KLF17: variants seen among roughly 807,000 people sequenced by gnomAD.
KLF17 encodes the protein Krueppel-like factor 17.
KLF17 carries 31 observed loss-of-function variants against 34.2 expected under a neutral mutation model. That is an observed-to-expected ratio of 0.91 (90% CI 0.68 to 1.22). The LOEUF (loss-of-function observed/expected upper bound fraction) is 1.22, where lower values mean the gene tolerates loss of function less well. Among genes scored for constraint, KLF17 ranks in the 50% most tolerant of loss-of-function variants. The pLI is 0.00. For missense variants in KLF17, 478 were observed against 505.2 expected (o/e 0.95, Z 0.52); for synonymous variants, 179 against 186.7 (o/e 0.96, Z 0.34).
intron 3 of KLF17, among the ~76,000 whole-genome samples, chr1:44,131,762 T>A (rs1323859876): frequency 6.6e-6 from 1 of 152,174 alleles, no homozygotes; most frequent in East Asian, 1.9e-4. Flanking sequence ...TGGTGTGATC[T>A]CAGCTCACTG....
At chr1:44,104,656 G>A in the KLF17 span, 4 of 480,746 alleles carry the variant, frequency 8.3e-6, no homozygotes, top group South Asian at 6.3e-5. Context: ...CCAGTAGGGA[G>A]AAGCTCTAAG....
At chr1:44,063,739 A>G in the KLF17 span, among the ~76,000 whole-genome samples, 148 of 152,324 alleles carry the variant, frequency 9.7e-4, 1 homozygote, top group East Asian at 0.021. Context: ...GAGTTTGTAT[A>G]GTATGTCAAA....
intron 1 of KLF17, among the ~76,000 whole-genome samples, chr1:44,121,900 G>A (rs925245233): frequency 2.0e-5 from 3 of 152,186 alleles, no homozygotes; most frequent in African/African-American, 7.2e-5. Flanking sequence ...TAATCTGTGT[G>A]ATTCTGCCTT....
At chr1:44,098,939 G>C in the KLF17 span, among the ~76,000 whole-genome samples, 1 of 149,494 alleles carries the variant, frequency 6.7e-6, no homozygotes, top group South Asian at 2.1e-4. Flanking sequence ...TGTTGCCCAG[G>C]CTGGTCTCAA....
chr1:44,086,356 C>T, the KLF17 span, among the ~76,000 whole-genome samples: 1 of 152,214 alleles, frequency 6.6e-6, no homozygotes, highest in Non-Finnish European at 1.5e-5. Context: ...ATCCCGGCTA[C>T]TCGGGAGGCT....
At chr1:44,062,288 G>T in the KLF17 span, among the ~76,000 whole-genome samples, 30 of 152,092 alleles carry the variant, frequency 2.0e-4, no homozygotes, top group Non-Finnish European at 3.7e-4. Context: ...ATTTTATTAA[G>T]ATCAAATATA....
At chr1:44,050,531 C>T in the KLF17 span, among the ~76,000 whole-genome samples, 1 of 152,208 alleles carries the variant, frequency 6.6e-6, no homozygotes, top group South Asian at 2.1e-4. Flanking sequence ...CCGAGCTGCC[C>T]TGAGCTGCTA....
At chr1:44,073,363 C>T in the KLF17 span, among the ~76,000 whole-genome samples, 1 of 151,876 alleles carries the variant, frequency 6.6e-6, no homozygotes. Flanking sequence ...CCTGCCATCA[C>T]ACCTGGCTAA....
chr1:44,116,704 C>T (rs1433469795), upstream of KLF17, among the ~76,000 whole-genome samples: 1 of 152,176 alleles, frequency 6.6e-6, no homozygotes, highest in Admixed American at 6.5e-5. Flanking sequence ...CTCTCAGGTT[C>T]TTTGGATGAC....
At chr1:44,127,260 G>A (rs908565057) in intron 1 of KLF17, among the ~76,000 whole-genome samples, 22 of 152,042 alleles carry the variant, frequency 1.4e-4, no homozygotes, top group Non-Finnish European at 2.2e-4. Flanking sequence ...AAACAGAAAA[G>A]TGAATGTAAG....
At chr1:44,122,499 C>A in intron 1 of KLF17, 1 of 1,018,900 alleles carries the variant, frequency 9.8e-7, no homozygotes, top group Non-Finnish European at 1.6e-6. Flanking sequence ...CATCAAAAAT[C>A]TCACGAGCTT....
In KLF17 at chr1:44,129,848, G is replaced by T. The variant is rs267598619; in HGVS notation, c.577G>T (p.Gly193Cys). ...STVPSDETLL[G>C]PTVPSTEAQA... ...AGTACCTTCTGACGAAACATTGTTG[G>T]GCCCGACTGTGCCTTCCACTGAGGC... Residue 193 changes from glycine (G) to cysteine (C), a missense_variant, in exon 2 of 4, where the codon GGC (glycine) becomes TGC (cysteine). Coordinates refer to ENST00000372299, the MANE Select transcript of KLF17 (RefSeq NM_173484.4). 6.2e-7 allele frequency: 1 copy of T among 1,614,138 alleles called. No individual in the cohort carries two copies.
upstream of KLF17, chr1:44,114,878 T>C (rs2087865234): frequency 6.6e-6 from 1 of 152,246 alleles, no homozygotes; most frequent in South Asian, 2.1e-4. Flanking sequence ...CACTAACACA[T>C]TTTTATTAGC....
At chr1:44,103,934 C>G in the KLF17 span, 1 of 852,344 alleles carries the variant, frequency 1.2e-6, no homozygotes, top group Admixed American at 1.7e-5. Flanking sequence ...TGATCTGGTA[C>G]ATGCTCTCAG....
chr1:44,109,793 C>A, the KLF17 span, among the ~76,000 whole-genome samples: 8 of 151,716 alleles, frequency 5.3e-5, no homozygotes, highest in African/African-American at 1.9e-4. Context: ...GGAGGTAGGG[C>A]ATGGAGAACT....
At chr1:44,044,367 C>T in the KLF17 span, among the ~76,000 whole-genome samples, 2 of 152,192 alleles carry the variant, frequency 1.3e-5, no homozygotes, top group Non-Finnish European at 2.9e-5. Context: ...GTTTGAGGGA[C>T]ATGGGGTTAT....
the KLF17 span, among the ~76,000 whole-genome samples, chr1:44,065,463 G>A: frequency 7.6e-6 from 1 of 132,338 alleles, no homozygotes; most frequent in African/African-American, 2.9e-5. Flanking sequence ...AGGCTGAAGT[G>A]CAGTGGTGTG....
At chr1:44,085,326 G>A in the KLF17 span, among the ~76,000 whole-genome samples, 3 of 152,148 alleles carry the variant, frequency 2.0e-5, no homozygotes, top group African/African-American at 7.2e-5. Context: ...CAAATAGAGA[G>A]TATGTACATG....
chr1:44,101,556 G>A, the KLF17 span: 2 of 152,042 alleles, frequency 1.3e-5, no homozygotes, highest in Non-Finnish European at 2.9e-5. Context: ...GCATTTTTTG[G>A]CAGGAATACC....
Sources: allele counts gnomAD v4.1 joint callset (sites outside exome capture counted in the v4.1 genomes callset), GRCh38; gene constraint gnomAD v4.1.1; transcripts MANE v1.5; gene names NCBI Gene and HGNC (gene_info 2026-07-23, HGNC 2026-07-21).